Variants in KIF16B observed in about 807,000 individuals in gnomAD.
KIF16B encodes the protein kinesin-like protein KIF16B.
In KIF16B, 98 loss-of-function variants were observed where a neutral mutation model predicts 156.3. The ratio of observed to expected loss-of-function variants is 0.63; its 90% CI spans 0.53 to 0.74. The LOEUF is 0.74. Ranked by LOEUF, KIF16B falls within the 30% of genes least tolerant of loss-of-function variation. The pLI is 0.00. For synonymous variants in KIF16B, 564 were observed against 583.7 expected (o/e 0.97, Z 0.49); for missense variants, 1,421 against 1,606.5 (o/e 0.88, Z 1.97).
intron 25 of KIF16B, among the ~76,000 whole-genome samples, chr20:16,309,709 A>G (rs1382177726): frequency 6.6e-6 from 1 of 152,032 alleles, no homozygotes; most frequent in Non-Finnish European, 1.5e-5. Flanking sequence ...TGAGGTTCAG[A>G]AAGTTGCATT....
chr20:16,373,473 T>C (rs984541055), intron 20 of KIF16B, among the ~76,000 whole-genome samples: 1 of 152,214 alleles, frequency 6.6e-6, no homozygotes, highest in Non-Finnish European at 1.5e-5. Context: ...TTCTAAGGGC[T>C]CTAAGCCACA....
At chr20:16,515,527 C>A in intron 4 of KIF16B, 21 bp downstream of exon 4, 1 of 1,275,528 alleles carries the variant, frequency 7.8e-7, no homozygotes, top group Non-Finnish European at 1.1e-6. Flanking sequence ...ATTTCCTTCC[C>A]ACACAGTATA....
chr20:16,359,821 T>A (rs915602071), intron 22 of KIF16B, among the ~76,000 whole-genome samples: 2 of 152,172 alleles, frequency 1.3e-5, no homozygotes, highest in South Asian at 4.1e-4. Flanking sequence ...TATATGGCCC[T>A]TGGCTGGATA....
chr20:16,387,012 C>A (rs565217957), intron 17 of KIF16B, among the ~76,000 whole-genome samples: 78 of 152,120 alleles, frequency 5.1e-4, no homozygotes, highest in African/African-American at 1.8e-3. Flanking sequence ...TTCATTGGGA[C>A]AGGAAGAAGA....
At chr20:16,505,238 G>A (rs560191882) in intron 9 of KIF16B, among the ~76,000 whole-genome samples, 8 of 152,082 alleles carry the variant, frequency 5.3e-5, no homozygotes, top group South Asian at 2.1e-4. Context: ...CCCTTTCTAC[G>A]TTTTTTTCTC....
intron 17 of KIF16B, among the ~76,000 whole-genome samples, chr20:16,384,800 C>T (rs1451515938): frequency 2.0e-5 from 3 of 152,100 alleles, no homozygotes; most frequent in Non-Finnish European, 4.4e-5. Flanking sequence ...CTGTCACTTA[C>T]TGATCAGGAG....
At chr20:16,410,080 T>C (rs561157909) in intron 15 of KIF16B, among the ~76,000 whole-genome samples, 15 of 124,512 alleles carry the variant, frequency 1.2e-4, no homozygotes, top group East Asian at 2.6e-4. Context: ...GGTACATATA[T>C]ATATATGTAG....
intron 19 of KIF16B, among the ~76,000 whole-genome samples, chr20:16,374,727 C>A (rs2064904880): frequency 6.6e-6 from 1 of 152,172 alleles, no homozygotes; most frequent in Non-Finnish European, 1.5e-5. Context: ...CCTCTAACTG[C>A]TGCTTCAAAA....
chr20:16,433,939 T>C (rs1041116917), intron 12 of KIF16B, among the ~76,000 whole-genome samples: 4 of 152,124 alleles, frequency 2.6e-5, no homozygotes, highest in Admixed American at 6.6e-5. Flanking sequence ...ATACTTAACA[T>C]AGTAGAGTGG....
At chr20:16,511,572 CATT>C in intron 5 of KIF16B, 45 bp from the exon 6 acceptor site, 1 of 1,260,730 alleles carries the variant, frequency 7.9e-7, no homozygotes, top group Non-Finnish European at 1.1e-6. Flanking sequence ...TGATTTCAGA[CATT>C]AATATCAGTA....
intron 1 of KIF16B, among the ~76,000 whole-genome samples, chr20:16,565,181 G>A (rs1331585518): frequency 2.6e-5 from 4 of 152,100 alleles, no homozygotes; most frequent in Admixed American, 6.5e-5. Flanking sequence ...GCCTCAGGAC[G>A]CTTTTATAGG....
At chr20:16,320,660 T>C (rs1010387243) in intron 24 of KIF16B, among the ~76,000 whole-genome samples, 3 of 152,282 alleles carry the variant, frequency 2.0e-5, no homozygotes, top group East Asian at 3.9e-4. Context: ...CTGAAGCAGA[T>C]AAGAACTCAG....
chr20:16,486,983 A>G (rs184573638), intron 12 of KIF16B, among the ~76,000 whole-genome samples: 11 of 152,246 alleles, frequency 7.2e-5, no homozygotes, highest in Admixed American at 7.2e-4. Context: ...GCCAGGCACC[A>G]TGGCTCACAC....
chr20:16,522,937 A>G (rs1210069041), intron 3 of KIF16B, among the ~76,000 whole-genome samples: 1 of 152,148 alleles, frequency 6.6e-6, no homozygotes, highest in Non-Finnish European at 1.5e-5. Flanking sequence ...CAAAAACCAC[A>G]TGATTATCTC....
chr20:16,378,996 T>C lies in KIF16B; in HGVS notation c.3006A>G (p.Arg1002=), dbSNP rs1568910018. Residue 1002 remains arginine, a synonymous_variant, in exon 19 of 26, where the codon AGA becomes AGG. Coordinates refer to ENST00000354981, the MANE Select transcript of KIF16B (RefSeq NM_024704.5). ...TGGCCAGGGCCCGCTCCAGCGCCTC[T>C]CTCTGCTGCTTCTCTCTGGACTCCA... ...EILESREKQQ[R]EALERALARL... 6.2e-7 allele frequency: 1 copy of C among 1,613,916 alleles called. No homozygotes were observed.
chr20:16,370,424 C>T (rs578171649), intron 22 of KIF16B, among the ~76,000 whole-genome samples, 162 bp downstream of exon 22: 3 of 152,286 alleles, frequency 2.0e-5, no homozygotes, highest in East Asian at 1.9e-4. Flanking sequence ...TACAGGATTC[C>T]GTTTAATTTT....
intron 9 of KIF16B, 101 bp downstream of exon 9, chr20:16,505,621 G>A (rs944987698): frequency 1.9e-6 from 2 of 1,041,958 alleles, no homozygotes; most frequent in Non-Finnish European, 2.8e-6. Flanking sequence ...TTTTTAAGAT[G>A]TAAAAGGTGC....
At chr20:16,554,074 G>A (rs930007144) in intron 1 of KIF16B, among the ~76,000 whole-genome samples, 1 of 152,202 alleles carries the variant, frequency 6.6e-6, no homozygotes, top group African/African-American at 2.4e-5. Flanking sequence ...ATGAACAGCA[G>A]CAGGAGACAG....
intron 17 of KIF16B, among the ~76,000 whole-genome samples, chr20:16,396,505 A>AAT (rs1055181334): frequency 2.2e-4 from 34 of 151,332 alleles, no homozygotes; most frequent in East Asian, 1.4e-3. Context: ...ATAAAATATA[A>AAT]ATATATATAT....
Sources: gnomAD v4.1 joint callset for allele counts (sites outside exome capture counted in the v4.1 genomes callset) on GRCh38, gnomAD v4.1.1 for gene constraint, MANE v1.5 for transcripts, NCBI Gene and HGNC (gene_info 2026-07-23, HGNC 2026-07-21) for gene names.